The following NRG3 variants were observed in gnomAD, a reference collection of about 807,000 sequenced individuals.
NRG3 encodes pro-neuregulin-3, membrane-bound isoform.
Under a neutral mutation model 66.9 loss-of-function variants are expected in NRG3, and 31 were observed. The ratio of observed to expected loss-of-function variants is 0.46; its 90% CI spans 0.35 to 0.63. NRG3 has a LOEUF of 0.63. NRG3 is among the 20% of genes least tolerant of loss of function. The pLI is 0.00. For missense variants in NRG3, 910 were observed against 878.9 expected (o/e 1.04, Z -0.45); for synonymous variants, 393 against 359.4 (o/e 1.09, Z -1.06).
intron 1 of NRG3, among the ~76,000 whole-genome samples, chr10:82,243,099 C>A (rs1310148341): frequency 6.6e-6 from 1 of 152,208 alleles, no homozygotes; most frequent in East Asian, 1.9e-4. Context: ...AGGGACTTTG[C>A]TGAGCTTCAC....
chr10:82,403,907 A>T (rs1227192178), intron 2 of NRG3, among the ~76,000 whole-genome samples: 1 of 152,000 alleles, frequency 6.6e-6, no homozygotes, highest in Non-Finnish European at 1.5e-5. Context: ...ACCTCAACAA[A>T]TTTTTTGGGG....
chr10:82,498,695 G>A lies in NRG3; in HGVS notation c.953+139827G>A, dbSNP rs11194716. 6.5e-3 allele frequency among the ~76,000 whole-genome samples: 983 copies of A among 152,278 alleles called. 6 individuals carry two copies. The highest frequency in any genetic ancestry group is 0.014 in the Middle Eastern group (4 of 294). ...ATGGAAGAGAGAGTCACTCCCAACCGTTGGCTCAGGAGTAAGCTTTAGTTG... is the reference window on the plus strand; with the variant it reads ...ATGGAAGAGAGAGTCACTCCCAACCATTGGCTCAGGAGTAAGCTTTAGTTG... On this transcript the variant is annotated intron_variant, in intron 2 of 8. Coordinates refer to ENST00000372141, the MANE Select transcript of NRG3 (RefSeq NM_001010848.4).
Position 82,868,892 on chromosome 10 carries a change from A to T in NRG3, c.1054+3455A>T, listed in dbSNP as rs1331374563. ...ATTTTTAGTAGAAACGGGTTTCACC[A>T]TGTTGGCCAGGCTGTTCTCTAACTC... On this transcript the variant is annotated intron_variant, in intron 4 of 8. Transcript: ENST00000372141. 2.0e-5 allele frequency among the ~76,000 whole-genome samples: 3 copies of T among 152,054 alleles called. No homozygotes were observed. The East Asian group carries it at 5.8e-4, about 29-fold the overall frequency.
intron 2 of NRG3, among the ~76,000 whole-genome samples, chr10:82,491,293 A>AATAT (rs10652539): frequency 0.013 from 1,032 of 82,192 alleles, 63 homozygotes; most frequent in African/African-American, 0.015. Context: ...GTTCCCATAA[A>AATAT]ATATATATAT....
At chr10:82,608,591 C>A (rs941612882) in intron 2 of NRG3, among the ~76,000 whole-genome samples, 5 of 152,058 alleles carry the variant, frequency 3.3e-5, no homozygotes, top group African/African-American at 1.2e-4. Context: ...AGGTTTATAA[C>A]CCTATGGTTA....
chr10:82,814,032 G>A lies in NRG3; in HGVS notation c.1028-51379G>A, dbSNP rs116419520. Among the ~76,000 whole-genome samples, 583 of 152,272 alleles carry A rather than the reference G, an allele frequency of 3.8e-3. 5 individuals are homozygous for A. Among genetic ancestry groups the A allele is most frequent in the African/African-American group, 0.013 (558 of 41,564 alleles). Reference sequence around the variant, plus strand: ...TGCAGGTGGCACGGTTCACTCCCAGGAATGCTCTTCTTTTCATTGCTAATC... The same window carrying A: ...TGCAGGTGGCACGGTTCACTCCCAGAAATGCTCTTCTTTTCATTGCTAATC... On this transcript the variant is annotated intron_variant, in intron 3 of 8. Coordinates refer to ENST00000372141, the MANE Select transcript of NRG3 (RefSeq NM_001010848.4).
At chr10:82,919,095 G>GTGTGTGTGTGTT (rs1478656368) in intron 4 of NRG3, among the ~76,000 whole-genome samples, 4 of 127,984 alleles carry the variant, frequency 3.1e-5, no homozygotes, top group Admixed American at 8.8e-5. Flanking sequence ...GTGTGTGTGT[G>GTGTGTGTGTGTT]TGTGTATGTG....
At chr10:82,827,244 A>C in intron 3 of NRG3, 1 of 358,506 alleles carries the variant, frequency 2.8e-6, no homozygotes, top group Non-Finnish European at 5.4e-6. Flanking sequence ...CATGTAACGT[A>C]GATTAAAAAT....
rs552392123 is a variant in NRG3, at chr10:82,404,304, C to T, written c.953+45436C>T. On this transcript the variant is annotated intron_variant, in intron 2 of 8. Transcript: ENST00000372141. ...TGCAAAGGGTAGCACGGTACTGTGC[C>T]ACCCCAAGACGACCTTAGTAAGAAG... Among the ~76,000 whole-genome samples, 5 of 152,208 alleles carry T rather than the reference C, an allele frequency of 3.3e-5. No individual in the cohort carries two copies. In the South Asian group the frequency reaches 1.0e-3, roughly 32 times the overall value.
At chr10:82,679,882 C>A (rs982214527) in intron 2 of NRG3, among the ~76,000 whole-genome samples, 5 of 152,002 alleles carry the variant, frequency 3.3e-5, no homozygotes, top group African/African-American at 9.7e-5. Flanking sequence ...AGAAAAAAGT[C>A]TTTTGTTTAT....
chr10:82,771,138 A>G (rs192227575), intron 3 of NRG3, among the ~76,000 whole-genome samples: 1 of 152,246 alleles, frequency 6.6e-6, no homozygotes, highest in East Asian at 1.9e-4. Flanking sequence ...TGCCAGGCAG[A>G]TTAACATTCT....
chr10:82,738,789 G>A (rs1326083122), intron 3 of NRG3, 139 bp downstream of exon 3: 3 of 734,404 alleles, frequency 4.1e-6, no homozygotes, highest in African/African-American at 1.7e-5. Context: ...GATGGCAGAT[G>A]TTGATGTTCA....
At chr10:82,044,562 A>C (rs1025924350) in intron 1 of NRG3, among the ~76,000 whole-genome samples, 1 of 151,912 alleles carries the variant, frequency 6.6e-6, no homozygotes, top group African/African-American at 2.4e-5. Context: ...TAACGAAATA[A>C]TTTTTTTTAA....
intron 2 of NRG3, among the ~76,000 whole-genome samples, chr10:82,508,431 A>C (rs1236836472): frequency 6.6e-6 from 1 of 152,216 alleles, no homozygotes; most frequent in East Asian, 1.9e-4. Flanking sequence ...TCCTAAAAAC[A>C]ACTGTAGTAA....
intron 2 of NRG3, among the ~76,000 whole-genome samples, chr10:82,672,161 A>G (rs2053330496): frequency 6.6e-6 from 1 of 152,194 alleles, no homozygotes; most frequent in Admixed American, 6.5e-5. Flanking sequence ...AAGCTGAGCC[A>G]GAAAGAAGCA....
intron 2 of NRG3, among the ~76,000 whole-genome samples, chr10:82,553,034 AACACACAC>A (rs142641494): frequency 6.8e-6 from 1 of 146,658 alleles, no homozygotes; most frequent in African/African-American, 2.5e-5. Context: ...ATCACACACA[AACACACAC>A]ACACACACAC....
intron 3 of NRG3, among the ~76,000 whole-genome samples, chr10:82,767,232 CACAA>C (rs954278017): frequency 2.0e-5 from 3 of 152,104 alleles, no homozygotes; most frequent in African/African-American, 7.2e-5. Context: ...CCATCTATCA[CACAA>C]ACAGATACCT....
intron 2 of NRG3, among the ~76,000 whole-genome samples, chr10:82,626,222 C>T (rs1425786484): frequency 6.6e-6 from 1 of 152,136 alleles, no homozygotes; most frequent in Non-Finnish European, 1.5e-5. Context: ...TCAATTAATA[C>T]TTGTCAATTT....
chr10:82,792,757 C>T (rs142305227), intron 3 of NRG3, among the ~76,000 whole-genome samples: 4,758 of 151,894 alleles, frequency 0.031, 211 homozygotes, highest in African/African-American at 0.1. Context: ...CTCAGCTCAC[C>T]GCAACCTCCA....
Sources: allele counts gnomAD v4.1 joint callset (sites outside exome capture counted in the v4.1 genomes callset), GRCh38; gene constraint gnomAD v4.1.1; transcripts MANE v1.5; gene names NCBI Gene and HGNC (gene_info 2026-07-23, HGNC 2026-07-21).